Variants in ANKRD36C observed in about 807,000 individuals in gnomAD.
ANKRD36C encodes ankyrin repeat domain 36C.
In ANKRD36C, 61 loss-of-function variants were observed where a neutral mutation model predicts 276.4. That is an observed-to-expected ratio of 0.22 (90% CI 0.18 to 0.27). The LOEUF (loss-of-function observed/expected upper bound fraction) is 0.27, where lower values mean the gene tolerates loss of function less well. ANKRD36C is among the 10% of genes least tolerant of loss of function. ANKRD36C has a pLI of 1.00. For synonymous variants in ANKRD36C, 483 were observed against 680.1 expected, an observed-to-expected ratio of 0.71 and a Z score of 4.51; for missense variants, 1,447 against 2,032.3, an observed-to-expected ratio of 0.71 and a Z score of 5.54.
chr2:95,893,092 G>A (rs1317830394), intron 44 of ANKRD36C, among the ~76,000 whole-genome samples: 2 of 151,220 alleles, frequency 1.3e-5, no homozygotes, highest in Non-Finnish European at 1.5e-5. Context: ...GTCATCCTTG[G>A]GAAAATGATT....
intron 42 of ANKRD36C, 150 bp from the exon 53 acceptor site, chr2:95,903,231 T>C (rs1443813259): frequency 5.9e-6 from 8 of 1,363,344 alleles, no homozygotes; most frequent in East Asian, 2.6e-5. Flanking sequence ...GACTAGAACA[T>C]GACGGAAATA....
intron 22 of ANKRD36C, among the ~76,000 whole-genome samples, chr2:95,936,623 G>A (rs1677725342): frequency 6.6e-6 from 1 of 151,182 alleles, no homozygotes; most frequent in South Asian, 2.1e-4. Context: ...AGTGTTCTCA[G>A]GTTTCCTCAT....
chr2:95,921,522 C>T, intron 34 of ANKRD36C, 85 bp downstream of exon 34: 1 of 1,521,458 alleles, frequency 6.6e-7, no homozygotes, highest in Non-Finnish European at 8.8e-7. Flanking sequence ...AGCCCCCCCA[C>T]CTGCCCTCCA....
At position 95,870,080 on chromosome 2, in the gene ANKRD36C, G is replaced by A. The variant is rs367723274; in HGVS notation, c.3541-2499C>T. Among the ~76,000 whole-genome samples the A allele has an allele frequency of 2.5e-3, 381 of 152,328 alleles. 21 individuals are homozygous for A. In the East Asian group the frequency reaches 0.067, roughly 27 times the overall value. ...TGCCTCTGTAGGCTCCACCTCTGGG[G>A]GCAGGGCACAGAGAAACAAAAAGAC... On this transcript the variant is annotated intron_variant, in intron 59 of 66. Coordinates refer to ENST00000456556, the Ensembl canonical transcript of ANKRD36C.
At chr2:95,907,366 T>C (rs1028442096) in intron 42 of ANKRD36C, 6 of 60,298 alleles carry the variant, frequency 1.0e-4, no homozygotes, top group Admixed American at 2.0e-4. Flanking sequence ...GATATCTGTT[T>C]GCTGATACCT....
chr2:95,852,378 A>T, intron 64 of ANKRD36C, 182 bp from the exon 85 acceptor site: 1 of 589,968 alleles, frequency 1.7e-6, no homozygotes, highest in Non-Finnish European at 3.0e-6. Flanking sequence ...TTTTAGTGGG[A>T]CACTGCTACA....
chr2:95,948,641 T>C (rs1246171494), intron 16 of ANKRD36C, 45 bp from the exon 17 acceptor site: 4 of 1,526,454 alleles, frequency 2.6e-6, no homozygotes, highest in Admixed American at 4.0e-5. Flanking sequence ...GTTCATTTCT[T>C]AAAAGAAAAC....
chr2:95,971,390 T>C (rs1186763560), intron 6 of ANKRD36C, among the ~76,000 whole-genome samples: 1 of 147,816 alleles, frequency 6.8e-6, no homozygotes, highest in Non-Finnish European at 1.5e-5. Context: ...GTGGGAGATA[T>C]TGATAATGGG....
chr2:95,892,227 T>C (rs1301967775), intron 44 of ANKRD36C, among the ~76,000 whole-genome samples: 1 of 151,534 alleles, frequency 6.6e-6, no homozygotes, highest in Non-Finnish European at 1.5e-5. Context: ...TGATCCCACA[T>C]GTCTTTCATG....
chr2:95,960,155 T>G (rs1031098886), intron 10 of ANKRD36C, among the ~76,000 whole-genome samples: 1 of 152,062 alleles, frequency 6.6e-6, no homozygotes, highest in African/African-American at 2.4e-5. Flanking sequence ...CATCTTATTC[T>G]CCTTCCCCTC....
chr2:95,933,845 A>G (rs1028681235), intron 24 of ANKRD36C, among the ~76,000 whole-genome samples: 2 of 152,424 alleles, frequency 1.3e-5, no homozygotes, highest in South Asian at 2.1e-4. Flanking sequence ...ACAGGAGAAA[A>G]TGTTCGCAAT....
chr2:95,981,642 C>A (rs964983026), intron 4 of ANKRD36C, among the ~76,000 whole-genome samples: 2 of 151,100 alleles, frequency 1.3e-5, no homozygotes, highest in Non-Finnish European at 3.0e-5. Context: ...TACTTACACA[C>A]AACCACCCTT....
intron 1 of ANKRD36C, among the ~76,000 whole-genome samples, chr2:95,989,435 C>A (rs1233603931): frequency 6.6e-6 from 1 of 151,986 alleles, no homozygotes; most frequent in African/African-American, 2.4e-5. Flanking sequence ...TATGTATAAT[C>A]AAACCAACTT....
chr2:95,966,127 C>T (rs1226427660), intron 6 of ANKRD36C, among the ~76,000 whole-genome samples: 4 of 152,050 alleles, frequency 2.6e-5, no homozygotes, highest in Non-Finnish European at 4.4e-5. Flanking sequence ...AGAGGTACCC[C>T]ACACACACTC....
Position 95,893,611 on chromosome 2 carries a change from T to C in ANKRD36C, c.2756-1751A>G, listed in dbSNP as rs748197556. 2 of 1,586,952 alleles carry C rather than the reference T, an allele frequency of 1.3e-6. No homozygotes were observed. The highest frequency in any genetic ancestry group is 1.7e-6 in the Non-Finnish European group (2 of 1,165,952). ...TCTTCCTCGTCACCTGTAGCCTGAA[T>C]GGAATTTGAAATGAAATAATAAATA... On this transcript the variant is annotated intron_variant, in intron 44 of 66. Transcript: ENST00000456556.
chr2:95,988,164 A>AC (rs1679071068), intron 1 of ANKRD36C, among the ~76,000 whole-genome samples: 1 of 151,114 alleles, frequency 6.6e-6, no homozygotes, highest in Admixed American at 6.6e-5. Flanking sequence ...AAAAAAAAAA[A>AC]CAACAAATTT....
rs1677077420 is a variant in ANKRD36C at position 95,915,866 on chromosome 2, T to G, written c.2449+114A>C. On this transcript the variant is annotated intron_variant, in intron 38 of 66. Coordinates refer to ENST00000456556, the Ensembl canonical transcript of ANKRD36C. ...AAGAACTTATTAGAAATGAAGAATC[T>G]CAGGCCTGTTGAATCAGAATGTGCA... 2.9e-6 allele frequency: 4 copies of G among 1,374,248 alleles called. No individual in the cohort carries two copies. The Admixed American group carries it at 8.1e-5, about 28-fold the overall frequency. The allele number at this position is 1,374,248 out of a possible 1,614,324, so 85.1% of individuals were successfully genotyped here. A position where few individuals can be genotyped will look rare whatever the true frequency, so the allele number is the denominator to read the frequency against.
intron 14 of ANKRD36C, among the ~76,000 whole-genome samples, chr2:95,953,597 T>C (rs1170713605): frequency 1.3e-5 from 2 of 152,136 alleles, no homozygotes; most frequent in Non-Finnish European, 2.9e-5. Context: ...TCATATGATA[T>C]ACAACTCAAA....
intron 12 of ANKRD36C, among the ~76,000 whole-genome samples, chr2:95,957,665 TAA>T (rs530262894): frequency 1.5e-3 from 232 of 152,312 alleles, no homozygotes; most frequent in East Asian, 3.7e-3. Flanking sequence ...TACATCTGAA[TAA>T]GGTTGTCCAT....
Sources: gnomAD v4.1 joint callset for allele counts (sites outside exome capture counted in the v4.1 genomes callset) on GRCh38, gnomAD v4.1.1 for gene constraint, MANE v1.5 for transcripts, NCBI Gene and HGNC (gene_info 2026-07-23, HGNC 2026-07-21) for gene names.